VPS13D: variants seen among roughly 807,000 people sequenced by gnomAD.
VPS13D encodes the protein intermembrane lipid transfer protein VPS13D.
VPS13D carries 187 observed loss-of-function variants against 461.9 expected under a neutral mutation model. That is an observed-to-expected ratio of 0.40 (90% confidence interval 0.36 to 0.46). The LOEUF (loss-of-function observed/expected upper bound fraction) is 0.46. Among genes scored for constraint, VPS13D ranks in the 20% least tolerant of loss-of-function variants. VPS13D has a pLI of 0.60. For synonymous variants in VPS13D, 1,951 were observed against 1,986.3 expected (o/e 0.98, Z 0.47); for missense variants, 4,711 against 5,364.9 (o/e 0.88, Z 3.81).
rs542139963 is a variant in VPS13D at position 12,497,101 on chromosome 1, T to C, written c.12663-399T>C. ...GGGTGCGGCCCAGGGGGATCTATTA[T>C]AGTAATAACCGCAGGAACGAGAGCC... On this transcript the variant is annotated intron_variant, in intron 67 of 69. Coordinates refer to ENST00000620676, the MANE Select transcript of VPS13D (RefSeq NM_015378.4). The C allele has an allele frequency of 5.4e-4, 84 of 156,808 alleles. 1 individual carries two copies. The highest frequency in any genetic ancestry group is 9.9e-4 in the Non-Finnish European group (70 of 71,026). The allele number at this position is 156,808 out of a possible 1,614,324, so 9.7% of individuals were successfully genotyped here.
intron 65 of VPS13D, among the ~76,000 whole-genome samples, chr1:12,426,511 C>T (rs147602752): frequency 2.6e-5 from 4 of 152,316 alleles, no homozygotes; most frequent in African/African-American, 7.2e-5. Flanking sequence ...CTAACAGTTA[C>T]AGGCAGAAAA....
At chr1:12,474,530 A>G (rs1254548934) in intron 67 of VPS13D, among the ~76,000 whole-genome samples, 1 of 152,098 alleles carries the variant, frequency 6.6e-6, no homozygotes, top group African/African-American at 2.4e-5. Flanking sequence ...TTAAGAGGAA[A>G]AACTATTTCT....
At chr1:12,371,852 G>A (rs369349909) in intron 54 of VPS13D, among the ~76,000 whole-genome samples, 40 of 152,116 alleles carry the variant, frequency 2.6e-4, no homozygotes, top group African/African-American at 8.5e-4. Context: ...ACATATATTT[G>A]TTTGAGTACT....
At chr1:12,424,953 G>A (rs774104550) in intron 65 of VPS13D, among the ~76,000 whole-genome samples, 3 of 152,140 alleles carry the variant, frequency 2.0e-5, no homozygotes, top group Non-Finnish European at 4.4e-5. Flanking sequence ...GGTTTATAAA[G>A]GAATCATGTG....
chr1:12,303,803 G>C (rs12567367), intron 25 of VPS13D, among the ~76,000 whole-genome samples: 3,006 of 152,258 alleles, frequency 0.02, 129 homozygotes, highest in Admixed American at 0.11. Context: ...AGAAGCCCTG[G>C]GAAGCTTAAA....
At position 12,495,715 on chromosome 1, in the gene VPS13D, C is replaced by T. The variant is rs1338271229; in HGVS notation, c.12663-1785C>T. On this transcript the variant is annotated intron_variant, in intron 67 of 69. Coordinates refer to ENST00000620676, the MANE Select transcript of VPS13D (RefSeq NM_015378.4). The surrounding 1 kb of genome is among the most constrained non-coding windows in gnomAD (Gnocchi z 4.0). ...CCTTACGTTGAAAGTGATGAGGAAGCAGACCCTGCCATATTCCTCTTGGAG... is the reference window on the plus strand; with the variant it reads ...CCTTACGTTGAAAGTGATGAGGAAGTAGACCCTGCCATATTCCTCTTGGAG... Among the ~76,000 whole-genome samples, 3 of 152,202 alleles carry T rather than the reference C, an allele frequency of 2.0e-5. No individual in the cohort carries two copies. The East Asian group carries it at 5.8e-4, about 29-fold the overall frequency.
intron 67 of VPS13D, among the ~76,000 whole-genome samples, chr1:12,490,960 A>G (rs770640774): frequency 3.3e-5 from 5 of 152,248 alleles, no homozygotes; most frequent in African/African-American, 7.2e-5. Context: ...TACTGCAGAC[A>G]GTACTATTTA....
chr1:12,385,469 G>A (rs762832717), intron 59 of VPS13D, 96 bp downstream of exon 59: 4 of 976,272 alleles, frequency 4.1e-6, no homozygotes, highest in South Asian at 3.4e-5. Context: ...TTTCTATCCT[G>A]TATGATTCTA....
In VPS13D at chr1:12,408,918, A is replaced by G. The variant is rs577345203; in HGVS notation, c.12030+4945A>G. Among the ~76,000 whole-genome samples, 13 of 152,074 alleles carry G rather than the reference A, an allele frequency of 8.5e-5. 1 individual carries two copies. In the East Asian group the frequency reaches 2.1e-3, roughly 25 times the overall value. ...TCTTCTTTTCCTGATCTGTATGTTA[A>G]AGGTCCAGATTTTTCTCTGTGAACT... is the stretch of plus-strand genomic sequence containing the variant. On this transcript the variant is annotated intron_variant, in intron 63 of 69. Coordinates refer to ENST00000620676, the MANE Select transcript of VPS13D (RefSeq NM_015378.4).
chr1:12,295,631 A>G (rs1206255358), intron 24 of VPS13D, among the ~76,000 whole-genome samples: 1 of 152,236 alleles, frequency 6.6e-6, no homozygotes, highest in Non-Finnish European at 1.5e-5. Context: ...CATGGAATAT[A>G]TAACCTTTTT....
At chr1:12,312,559 A>C (rs1240177425) in intron 29 of VPS13D, among the ~76,000 whole-genome samples, 1 of 152,142 alleles carries the variant, frequency 6.6e-6, no homozygotes, top group Non-Finnish European at 1.5e-5. Context: ...GGAATTCCAG[A>C]CTGGCCTGGG....
intron 13 of VPS13D, among the ~76,000 whole-genome samples, chr1:12,264,621 G>A (rs751991631): frequency 3.3e-5 from 5 of 152,200 alleles, no homozygotes; most frequent in Non-Finnish European, 5.9e-5. Context: ...GTTCTGGGAT[G>A]GCTGGAAGAG....
chr1:12,412,714 G>T (rs6541021), intron 63 of VPS13D, among the ~76,000 whole-genome samples: 39,723 of 152,034 alleles, frequency 0.26, 5,512 homozygotes, highest in Non-Finnish European at 0.33. Flanking sequence ...GTAAACGTGG[G>T]AATATCTTTA....
intron 65 of VPS13D, among the ~76,000 whole-genome samples, chr1:12,444,433 T>C (rs1356516859): frequency 6.6e-6 from 1 of 152,198 alleles, no homozygotes; most frequent in Non-Finnish European, 1.5e-5. Context: ...TTTGGGAAAC[T>C]CTTGGCCAGC....
chr1:12,244,103 A>G, intron 3 of VPS13D, 143 bp from the exon 4 acceptor site: 1 of 758,292 alleles, frequency 1.3e-6, no homozygotes, highest in Non-Finnish European at 2.1e-6. Context: ...TCACATGTGC[A>G]AGAGCCTGCT....
chr1:12,340,044 C>T (rs976559069), intron 40 of VPS13D, among the ~76,000 whole-genome samples: 1 of 152,296 alleles, frequency 6.6e-6, no homozygotes, highest in Non-Finnish European at 1.5e-5. Context: ...TCTCATTGCA[C>T]TCATAGAAGA....
chr1:12,381,120 A>G (rs1369275462), intron 57 of VPS13D, among the ~76,000 whole-genome samples: 1 of 152,234 alleles, frequency 6.6e-6, no homozygotes, highest in Non-Finnish European at 1.5e-5. Flanking sequence ...TAATAACAGT[A>G]TTCAGCAGAG....
chr1:12,295,333 A>G (rs1642246980), intron 24 of VPS13D, among the ~76,000 whole-genome samples: 1 of 152,180 alleles, frequency 6.6e-6, no homozygotes, highest in Non-Finnish European at 1.5e-5. Context: ...TAAATAAAAA[A>G]TGTTTGACTT....
chr1:12,384,383 G>A (rs1255152380), intron 58 of VPS13D, among the ~76,000 whole-genome samples: 2 of 152,166 alleles, frequency 1.3e-5, no homozygotes, highest in Non-Finnish European at 2.9e-5. Context: ...GAGCAGACTT[G>A]CAGAGGAAGG....
Sources: gnomAD v4.1 joint callset for allele counts (sites outside exome capture counted in the v4.1 genomes callset) on GRCh38, gnomAD v4.1.1 for gene constraint, Gnocchi (gnomAD v3.1) non-coding constraint, MANE v1.5 for transcripts, NCBI Gene and HGNC (gene_info 2026-07-23, HGNC 2026-07-21) for gene names.